DNAH6: variants seen among roughly 807,000 people sequenced by gnomAD.
DNAH6 encodes the protein axonemal beta dynein heavy chain 6.
In DNAH6, 340 loss-of-function variants were observed where a neutral mutation model predicts 491.4. The observed-to-expected ratio is 0.69, with a 90% CI of 0.63 to 0.76. The LOEUF is 0.76. DNAH6 is among the 30% of genes least tolerant of loss of function. DNAH6 has a pLI of 0.00. For synonymous variants in DNAH6, 1,603 were observed against 1,686.1 expected (o/e 0.95, Z 1.21); for missense variants, 4,443 against 4,972.2 (o/e 0.89, Z 3.20).
chr2:84,569,496 G>A (rs539134417), intron 11 of DNAH6, among the ~76,000 whole-genome samples: 2 of 151,902 alleles, frequency 1.3e-5, no homozygotes, highest in East Asian at 1.9e-4. Flanking sequence ...CAACAAAATG[G>A]AGAGCAAAAC....
intron 66 of DNAH6, 27 bp downstream of exon 66, chr2:84,784,837 T>A (rs910065289): frequency 6.9e-7 from 1 of 1,459,836 alleles, no homozygotes; most frequent in African/African-American, 1.4e-5. Context: ...GTTGGAACAA[T>A]GTGAAATGGT....
At chr2:84,665,770 C>A (rs1692057301) in intron 37 of DNAH6, among the ~76,000 whole-genome samples, 1 of 152,084 alleles carries the variant, frequency 6.6e-6, no homozygotes, top group African/African-American at 2.4e-5. Flanking sequence ...ATCATCCTGA[C>A]ACCAAAGCCT....
At chr2:84,692,441 A>G (rs1033194343) in intron 45 of DNAH6, among the ~76,000 whole-genome samples, 1 of 148,766 alleles carries the variant, frequency 6.7e-6, no homozygotes, top group African/African-American at 2.6e-5. Flanking sequence ...AGATAGATAG[A>G]TAGATAGATA....
chr2:84,522,404 T>A (rs556913193), intron 2 of DNAH6, among the ~76,000 whole-genome samples: 1 of 152,156 alleles, frequency 6.6e-6, no homozygotes, highest in African/African-American at 2.4e-5. Flanking sequence ...AGATATAGAA[T>A]CATGTCATCT....
chr2:84,682,511 T>G (rs1234639004), intron 42 of DNAH6, among the ~76,000 whole-genome samples: 2 of 152,134 alleles, frequency 1.3e-5, no homozygotes, highest in African/African-American at 2.4e-5. Context: ...CCACCCCTAC[T>G]CTAAGAGTCT....
chr2:84,797,668 C>T lies in DNAH6; in HGVS notation c.11481+10C>T, dbSNP rs1284127264. ...TAATCTAGTCTTCCAGGTATGTGGC[C>T]TTTCATCTTAAAATACATATTTATG... On this transcript the variant is annotated intron_variant, in intron 70 of 76. Coordinates refer to ENST00000389394, the MANE Select transcript of DNAH6 (RefSeq NM_001370.2). 2.6e-6 allele frequency: 4 copies of T among 1,549,020 alleles called. No homozygotes were observed. The highest frequency in any genetic ancestry group is 3.5e-6 in the Non-Finnish European group (4 of 1,145,158).
chr2:84,620,043 CTCAAAGTCTAA>C, intron 24 of DNAH6, 139 bp downstream of exon 24: 1 of 727,206 alleles, frequency 1.4e-6, no homozygotes. Flanking sequence ...CCTCAAAGAG[CTCAAAGTCTAA>C]CAGAGAAGTA....
At chr2:84,495,279 C>T in the DNAH6 span, among the ~76,000 whole-genome samples, 4 of 152,242 alleles carry the variant, frequency 2.6e-5, no homozygotes, top group Admixed American at 2.6e-4. Context: ...TCTCCTGCCT[C>T]AGCCTCCCCA....
chr2:84,713,270 C>G lies in DNAH6; in HGVS notation c.9543+11C>G, dbSNP rs1169841468. 1 of 1,549,562 alleles carries G rather than the reference C, an allele frequency of 6.5e-7. No homozygotes were observed. The highest frequency in any genetic ancestry group is 8.7e-7 in the Non-Finnish European group (1 of 1,145,712). On this transcript the variant is annotated intron_variant, in intron 57 of 76. Coordinates refer to ENST00000389394, the MANE Select transcript of DNAH6 (RefSeq NM_001370.2). Reference sequence around the variant, plus strand: ...CACTATCTGCCTGAGGTATGAACTACTGGTCTGGAATTCTCAACTTAACTG... The same window carrying G: ...CACTATCTGCCTGAGGTATGAACTAGTGGTCTGGAATTCTCAACTTAACTG...
chr2:84,498,186 T>C, the DNAH6 span, among the ~76,000 whole-genome samples: 12 of 152,218 alleles, frequency 7.9e-5, no homozygotes, highest in Non-Finnish European at 1.3e-4. Context: ...GCTGGGATAT[T>C]TTCCCAATCC....
chr2:84,670,595 G>C (rs1439676034), intron 39 of DNAH6, 120 bp downstream of exon 39: 1 of 766,190 alleles, frequency 1.3e-6, no homozygotes, highest in African/African-American at 1.8e-5. Context: ...TACTTGTAAA[G>C]GTGATTCTGT....
chr2:84,629,117 C>T (rs1688155516), intron 29 of DNAH6, among the ~76,000 whole-genome samples: 2 of 152,046 alleles, frequency 1.3e-5, no homozygotes, highest in African/African-American at 2.4e-5. Context: ...TTTTTTAATT[C>T]GTTTTCACTG....
intron 48 of DNAH6, 91 bp from the exon 49 acceptor site, chr2:84,701,006 G>A: frequency 2.8e-6 from 4 of 1,412,342 alleles, no homozygotes; most frequent in Admixed American, 2.2e-5. Flanking sequence ...TGGGCAGGGA[G>A]GAGTTCCCGA....
intron 68 of DNAH6, 145 bp from the exon 69 acceptor site, chr2:84,796,161 G>T: frequency 2.0e-6 from 1 of 512,626 alleles, no homozygotes. Context: ...CTTTGAGGGG[G>T]TGGTGGAAGG....
chr2:84,783,646 T>C (rs1676909482), intron 65 of DNAH6, among the ~76,000 whole-genome samples: 1 of 152,234 alleles, frequency 6.6e-6, no homozygotes, highest in Admixed American at 6.5e-5. Context: ...TGTCATTCAT[T>C]CCATAAATAA....
intron 45 of DNAH6, among the ~76,000 whole-genome samples, chr2:84,689,808 A>G (rs1057201390): frequency 6.6e-6 from 1 of 152,190 alleles, no homozygotes; most frequent in African/African-American, 2.4e-5. Context: ...AAAGTCTTCT[A>G]GTCAGTGAGT....
At chr2:84,623,533 A>G (rs1331455160) in intron 26 of DNAH6, among the ~76,000 whole-genome samples, 1 of 152,174 alleles carries the variant, frequency 6.6e-6, no homozygotes, top group Non-Finnish European at 1.5e-5. Flanking sequence ...ATCAAATAAA[A>G]CAACTTTATT....
At chr2:84,779,787 G>A (rs557001104) in intron 64 of DNAH6, among the ~76,000 whole-genome samples, 18 of 152,114 alleles carry the variant, frequency 1.2e-4, no homozygotes, top group African/African-American at 3.4e-4. Flanking sequence ...CTTCATTTCC[G>A]TGTTTAGAGC....
chr2:84,799,860 C>T (rs767726622), intron 70 of DNAH6, among the ~76,000 whole-genome samples: 1 of 152,222 alleles, frequency 6.6e-6, no homozygotes, highest in Non-Finnish European at 1.5e-5. Context: ...CACCCACATT[C>T]CCATTGGAGC....
Sources: gnomAD v4.1 joint callset for allele counts (sites outside exome capture counted in the v4.1 genomes callset) on GRCh38, gnomAD v4.1.1 for gene constraint, MANE v1.5 for transcripts, NCBI Gene and HGNC (gene_info 2026-07-23, HGNC 2026-07-21) for gene names.